The following MYH10 variants were observed in gnomAD, a reference collection of about 807,000 sequenced individuals.
MYH10 encodes myosin heavy chain 10, also known as myosin-10.
MYH10 carries 55 observed loss-of-function variants against 257.8 expected under a neutral mutation model. The observed-to-expected ratio is 0.21, with a 90% CI of 0.17 to 0.27. The LOEUF (loss-of-function observed/expected upper bound fraction) is 0.27, where lower values mean the gene tolerates loss of function less well. Ranked by LOEUF, MYH10 falls within the 10% of genes least tolerant of loss-of-function variation. MYH10 has a pLI of 1.00. For missense variants in MYH10, 1,631 were observed against 2,500.6 expected (o/e 0.65, Z 7.42); for synonymous variants, 854 against 921.7 (o/e 0.93, Z 1.33).
rs141303069 is a variant in MYH10, at chr17:8,532,938, A to G, written c.1895-2253T>C. Among the ~76,000 whole-genome samples the G allele has an allele frequency of 3.9e-5, 6 of 152,346 alleles. No individual in the cohort carries two copies. In the East Asian group the frequency reaches 1.2e-3, roughly 29 times the overall value. On this transcript the variant is annotated intron_variant, in intron 16 of 42. Coordinates refer to ENST00000360416, the MANE Select transcript of MYH10 (RefSeq NM_001256012.3). ...AGACAAGGACTAAAAAAGGGTTCAT[A>G]GTGTCAGAATAAATATGTAATAAAG...
chr17:8,488,712 CGCT>C (rs1050955118), intron 35 of MYH10, among the ~76,000 whole-genome samples: 20 of 152,108 alleles, frequency 1.3e-4, no homozygotes, highest in Middle Eastern at 3.4e-3. Flanking sequence ...ACAAGGCCAC[CGCT>C]GCTGCTGCTC....
chr17:8,552,107 T>C lies in MYH10; in HGVS notation c.858A>G (p.Lys286=). ...LEKSRAVRQA[K]DERTFHIFYQ... is the part of the protein sequence containing the mutation. The stretch of plus-strand genomic sequence containing the variant: ...AAAAGATATGAAAAGTACGTTCATC[T>C]TTTGCTTGACGAACAGCACGAGACT... Residue 286 remains lysine (K), a synonymous_variant, in exon 9 of 43, where the codon AAA becomes AAG. Transcript: ENST00000360416. This position sits in a 1 kb window ranked among gnomAD's most constrained non-coding sequence, Gnocchi z 4.8. 1 of 1,563,168 alleles carries C rather than the reference T, an allele frequency of 6.4e-7. No homozygotes were observed. Among genetic ancestry groups the C allele is most frequent in the Non-Finnish European group, 8.7e-7 (1 of 1,150,174 alleles).
chr17:8,572,261 T>TGTGTGTGTGTGA (rs1312873535), intron 6 of MYH10, among the ~76,000 whole-genome samples: 20 of 147,408 alleles, frequency 1.4e-4, no homozygotes, highest in African/African-American at 5.1e-4. Flanking sequence ...TGTGTGTGAG[T>TGTGTGTGTGTGA]GAGAGAGAGA....
At chr17:8,546,945 T>C (rs930585676) in intron 11 of MYH10, among the ~76,000 whole-genome samples, 3 of 152,154 alleles carry the variant, frequency 2.0e-5, no homozygotes, top group Non-Finnish European at 4.4e-5. Flanking sequence ...TTGGCCAGGA[T>C]GGAGTGTAGT....
chr17:8,602,364 T>A (rs1432078999), intron 3 of MYH10, among the ~76,000 whole-genome samples: 1 of 152,190 alleles, frequency 6.6e-6, no homozygotes, highest in Non-Finnish European at 1.5e-5. Flanking sequence ...TGCTCTGAAT[T>A]CTCCACACGG....
At chr17:8,489,743 A>ACACACACACACACACACACACACACACC (rs1437818172) in intron 35 of MYH10, among the ~76,000 whole-genome samples, 2 of 150,158 alleles carry the variant, frequency 1.3e-5, no homozygotes, top group Non-Finnish European at 1.5e-5. Flanking sequence ...ACACACACAC[A>ACACACACACACACACACACACACACACC]CACCCCAAAT....
At chr17:8,479,971 A>G (rs940680565) in intron 40 of MYH10, 139 bp downstream of exon 40, 61 of 771,610 alleles carry the variant, frequency 7.9e-5, no homozygotes, top group Non-Finnish European at 1.1e-4. Flanking sequence ...CACAGCTCAC[A>G]CCAACTTCTG....
intron 24 of MYH10, among the ~76,000 whole-genome samples, 172 bp from the exon 25 acceptor site, chr17:8,510,121 C>A (rs543565764): frequency 6.6e-6 from 1 of 150,596 alleles, no homozygotes; most frequent in East Asian, 1.9e-4. Flanking sequence ...TCGCTGCAAC[C>A]TCCACCTCCT....
Position 8,518,702 on chromosome 17 carries a change from T to C in MYH10, c.2433A>G (p.Glu811=). The change falls in exon 21 of 43, where the codon GAA becomes GAG. Residue 811 remains glutamate, a synonymous_variant. Coordinates refer to ENST00000360416, the MANE Select transcript of MYH10 (RefSeq NM_001256012.3). ...TATCGGTGATTTTTAAATCTCTTTC[T>C]TCCTCTAAGTGTGCCAGAACTCCAG... The part of the protein sequence containing the change: ...FRAGVLAHLE[E]ERDLKITDII... 1 of 1,614,204 alleles carries C rather than the reference T, an allele frequency of 6.2e-7. No individual in the cohort carries two copies. Among genetic ancestry groups the C allele is most frequent in the Non-Finnish European group, 8.5e-7 (1 of 1,180,004 alleles).
chr17:8,522,279 C>T (rs2081680555), intron 17 of MYH10, among the ~76,000 whole-genome samples: 1 of 152,198 alleles, frequency 6.6e-6, no homozygotes, highest in Admixed American at 6.5e-5. Context: ...GTATGAAGAG[C>T]TTTATGTGCA....
chr17:8,609,199 T>C (rs563281583), intron 2 of MYH10, among the ~76,000 whole-genome samples: 67 of 152,270 alleles, frequency 4.4e-4, no homozygotes, highest in African/African-American at 1.6e-3. Context: ...GTTCAAAGGA[T>C]TAGAGAAACA....
chr17:8,576,286 C>A (rs2083494753), intron 6 of MYH10, among the ~76,000 whole-genome samples: 1 of 152,154 alleles, frequency 6.6e-6, no homozygotes, highest in Non-Finnish European at 1.5e-5. Context: ...GCCCCAAATT[C>A]AAAATGTAGT....
chr17:8,604,396 G>T (rs2084720926), intron 3 of MYH10, among the ~76,000 whole-genome samples: 1 of 152,132 alleles, frequency 6.6e-6, no homozygotes, highest in Non-Finnish European at 1.5e-5. Context: ...CTTAACACAT[G>T]CTTTTTAACT....
chr17:8,575,453 A>G (rs979983356), intron 6 of MYH10, among the ~76,000 whole-genome samples: 8 of 152,184 alleles, frequency 5.3e-5, no homozygotes, highest in Non-Finnish European at 1.2e-4. Flanking sequence ...GCTTTTAAAT[A>G]CCCTACAGGA....
intron 4 of MYH10, among the ~76,000 whole-genome samples, chr17:8,578,686 C>G (rs1036327032): frequency 2.0e-5 from 3 of 152,144 alleles, no homozygotes; most frequent in African/African-American, 7.2e-5. Flanking sequence ...CTACTCACTA[C>G]TAGGCTTGAA....
At chr17:8,511,071 T>TATATATATATATATATATATATATAC (rs1336387130) in intron 24 of MYH10, 15 of 82,322 alleles carry the variant, frequency 1.8e-4, no homozygotes, top group African/African-American at 6.3e-4. Flanking sequence ...CACACATACA[T>TATATATATATATATATATATATATAC]ACATACACAC....
intron 21 of MYH10, 129 bp from the exon 22 acceptor site, chr17:8,514,023 C>G (rs1423313455): frequency 6.0e-6 from 5 of 836,738 alleles, no homozygotes; most frequent in Non-Finnish European, 7.4e-6. Context: ...TCAATCAAGT[C>G]CTGGGTGAGA....
Position 8,481,242 on chromosome 17 carries a change from G to A in MYH10, c.5264+80C>T. The A allele has an allele frequency of 8.6e-6, 12 of 1,387,914 alleles. 1 individual carries two copies. In the South Asian group the frequency reaches 1.4e-4, roughly 17 times the overall value. 86.0% of individuals were successfully genotyped at this position (1,387,914 alleles called of 1,614,324 possible). A position where few individuals can be genotyped will look rare whatever the true frequency, so the allele number is the denominator to read the frequency against. ...AGGAGCAAACCACCCGCTGATGCCA[G>A]GTGTGTGGACACCTCCAGCCTTCTC... is the stretch of plus-strand genomic sequence containing the variant. On this transcript the variant is annotated intron_variant, in intron 38 of 42. Coordinates refer to ENST00000360416, the MANE Select transcript of MYH10 (RefSeq NM_001256012.3).
chr17:8,532,125 G>C (rs577849637), intron 16 of MYH10, among the ~76,000 whole-genome samples: 1 of 152,230 alleles, frequency 6.6e-6, no homozygotes, highest in Non-Finnish European at 1.5e-5. Context: ...GCTGAAGAGC[G>C]ACAGCACCTC....
Sources: allele counts gnomAD v4.1 joint callset (sites outside exome capture counted in the v4.1 genomes callset), GRCh38; gene constraint gnomAD v4.1.1; non-coding constraint Gnocchi (gnomAD v3.1); transcripts MANE v1.5; gene names NCBI Gene and HGNC (gene_info 2026-07-23, HGNC 2026-07-21).